Variants in GRM1 observed in about 807,000 individuals in gnomAD.
GRM1 encodes the protein glutamate metabotropic receptor 1, also known as metabotropic glutamate receptor 1.
In GRM1, 33 loss-of-function variants were observed where a neutral mutation model predicts 90.9. The observed-to-expected ratio is 0.36, with a 90% CI of 0.28 to 0.49. The LOEUF is 0.49. Ranked by LOEUF, GRM1 falls within the 20% of genes least tolerant of loss-of-function variation. GRM1 has a pLI of 0.99. For synonymous variants in GRM1, 700 were observed against 613.2 expected (o/e 1.14, Z -2.09); for missense variants, 1,190 against 1,534.3 (o/e 0.78, Z 3.75).
intron 2 of GRM1, among the ~76,000 whole-genome samples, chr6:146,163,756 G>A (rs1777815494): frequency 6.6e-6 from 1 of 152,010 alleles, no homozygotes; most frequent in Non-Finnish European, 1.5e-5. Flanking sequence ...ACCTTCTTTG[G>A]GAAAATCAGC....
intron 1 of GRM1, among the ~76,000 whole-genome samples, chr6:146,071,249 C>A (rs576545381): frequency 1.3e-5 from 2 of 152,270 alleles, no homozygotes; most frequent in African/African-American, 4.8e-5. Flanking sequence ...AGGCAGCTTC[C>A]GTCTAGTTCT....
chr6:146,043,882 G>A (rs1791224833), intron 1 of GRM1, among the ~76,000 whole-genome samples: 1 of 149,760 alleles, frequency 6.7e-6, no homozygotes, highest in Non-Finnish European at 1.5e-5. Context: ...AGATGGTAAT[G>A]ACAGGTGGAA....
rs373415158 is a variant in GRM1 at position 146,067,774 on chromosome 6, C to T, written c.700+37557C>T. 2.0e-4 allele frequency among the ~76,000 whole-genome samples: 31 copies of T among 152,116 alleles called. No individual in the cohort carries two copies. The East Asian group carries it at 5.8e-3, about 28-fold the overall frequency. On this transcript the variant is annotated intron_variant, in intron 1 of 7. Transcript: ENST00000282753. ...CAAAATAAGTTTCCAAAGATAAAGA[C>T]TTTGAAAGAGAATTCCTCAAGTTAT...
At chr6:146,051,443 T>C (rs1301535992) in intron 1 of GRM1, among the ~76,000 whole-genome samples, 1 of 152,030 alleles carries the variant, frequency 6.6e-6, no homozygotes, top group South Asian at 2.1e-4. Context: ...AATTTACTGA[T>C]AAAGGGGAAA....
chr6:146,330,580 A>G (rs564508437), intron 3 of GRM1, among the ~76,000 whole-genome samples: 3 of 152,208 alleles, frequency 2.0e-5, no homozygotes, highest in South Asian at 4.1e-4. Context: ...TTCTCTTCCC[A>G]TTGTATCTGT....
At position 146,434,497 on chromosome 6, in the gene GRM1, G is replaced by C; in HGVS notation, c.3286G>C (p.Asp1096His). Residue 1096 changes from aspartate (D) to histidine (H), a missense_variant, in exon 8 of 8, where the codon GAC becomes CAC. By Grantham distance (81) the Asp-to-His change is moderately conservative. Transcript: ENST00000282753. Reference protein sequence around the residue: ...GEELVSPPADDDDDSERFKLL... With the variant: ...GEELVSPPADHDDDSERFKLL... ...GGAGCTGGTCTCCCCGCCCGCGGAC[G>C]ACGACGACGACAGCGAGAGGTTTAA... 6.2e-7 allele frequency: 1 copy of C among 1,614,064 alleles called. No individual in the cohort carries two copies. Among genetic ancestry groups the C allele is most frequent in the Non-Finnish European group, 8.5e-7 (1 of 1,180,006 alleles).
intron 2 of GRM1, chr6:146,171,890 C>T: frequency 4.2e-6 from 1 of 237,700 alleles, no homozygotes; most frequent in Non-Finnish European, 8.8e-6. Context: ...TTTTTCCAGC[C>T]ACCAGCCTCT....
intron 7 of GRM1, among the ~76,000 whole-genome samples, chr6:146,417,868 A>G (rs2114648181): frequency 6.6e-6 from 1 of 152,280 alleles, no homozygotes; most frequent in Admixed American, 6.5e-5. Flanking sequence ...AAAGTAAGGT[A>G]ATAAAAAGTC....
chr6:146,269,821 C>CA (rs59893967), intron 2 of GRM1, among the ~76,000 whole-genome samples: 31,938 of 151,912 alleles, frequency 0.21, 7,446 homozygotes, highest in African/African-American at 0.58. Flanking sequence ...TCCCTGGTGC[C>CA]AAAAGTTTGA....
rs368167393 is a variant in GRM1 at position 146,031,582 on chromosome 6, ATC to A, written c.700+1367_700+1368del. The stretch of plus-strand genomic sequence containing the variant: ...TCAGATTTTGCTTTTGGAAAAAACT[ATC>A]TGCTGTGATATTATAACTTTATAAT... On this transcript the variant is annotated intron_variant, in intron 1 of 7. Coordinates refer to ENST00000282753, the MANE Select transcript of GRM1 (RefSeq NM_001278064.2). Among the ~76,000 whole-genome samples, 168 of 152,288 alleles carry A rather than the reference ATC, an allele frequency of 1.1e-3. 2 individuals are homozygous for A. The highest frequency in any genetic ancestry group is 2.0e-3 in the Non-Finnish European group (134 of 67,998).
At chr6:146,159,746 C>T (rs1777650369) in intron 2 of GRM1, 149 bp downstream of exon 2, 1 of 696,002 alleles carries the variant, frequency 1.4e-6, no homozygotes, top group Non-Finnish European at 2.4e-6. Flanking sequence ...CTGAGCTGAA[C>T]ATTAGTTCTG....
At chr6:146,079,053 G>T (rs972549802) in intron 1 of GRM1, among the ~76,000 whole-genome samples, 1 of 152,160 alleles carries the variant, frequency 6.6e-6, no homozygotes, top group African/African-American at 2.4e-5. Context: ...GGAACCGGAG[G>T]GGCCAGGCTC....
At chr6:146,269,533 A>G (rs1018005975) in intron 2 of GRM1, among the ~76,000 whole-genome samples, 1 of 152,106 alleles carries the variant, frequency 6.6e-6, no homozygotes, top group Non-Finnish European at 1.5e-5. Context: ...GGGGTCCCCA[A>G]CCTCCAGTCT....
chr6:146,373,073 A>G (rs950001829), intron 5 of GRM1, among the ~76,000 whole-genome samples: 41 of 152,122 alleles, frequency 2.7e-4, no homozygotes, highest in African/African-American at 9.9e-4. Flanking sequence ...CATTTTAACG[A>G]TATTGGTTTA....
At chr6:146,123,291 T>C (rs1562478113) in intron 1 of GRM1, among the ~76,000 whole-genome samples, 1 of 152,222 alleles carries the variant, frequency 6.6e-6, no homozygotes, top group Non-Finnish European at 1.5e-5. Flanking sequence ...TTAGAGATGA[T>C]CTTCCCAGCG....
chr6:146,129,021 T>C (rs965617862), intron 1 of GRM1, among the ~76,000 whole-genome samples: 1 of 152,208 alleles, frequency 6.6e-6, no homozygotes, highest in Non-Finnish European at 1.5e-5. Flanking sequence ...AAATAATGAT[T>C]TCGGTCACTT....
chr6:146,344,363 T>A (rs1400525609), intron 3 of GRM1, among the ~76,000 whole-genome samples: 1 of 152,224 alleles, frequency 6.6e-6, no homozygotes, highest in African/African-American at 2.4e-5. Flanking sequence ...CTCAAGGTGA[T>A]CCTTCTTATT....
At chr6:146,299,983 A>G (rs1035323922) in intron 2 of GRM1, among the ~76,000 whole-genome samples, 1 of 152,224 alleles carries the variant, frequency 6.6e-6, no homozygotes, top group Non-Finnish European at 1.5e-5. Flanking sequence ...AATGAATATG[A>G]CACGTGCTAT....
rs186885911 is a variant in GRM1 at position 146,404,876 on chromosome 6, A to C, written c.2660+5177A>C. 1.3e-4 allele frequency among the ~76,000 whole-genome samples: 20 copies of C among 152,350 alleles called. No homozygotes were observed. In the East Asian group the frequency reaches 3.5e-3, roughly 26 times the overall value. ...AACTGACTTATAGAAAGACCAGTTA[A>C]TAGAGTGCCACAGTAATCCAATAAC... On this transcript the variant is annotated intron_variant, in intron 7 of 7. Transcript: ENST00000282753.
Sources: gnomAD v4.1 joint callset for allele counts (sites outside exome capture counted in the v4.1 genomes callset) on GRCh38, gnomAD v4.1.1 for gene constraint, MANE v1.5 for transcripts, NCBI Gene and HGNC (gene_info 2026-07-23, HGNC 2026-07-21) for gene names.